Variants in FGF14 observed in about 807,000 individuals in gnomAD.
FGF14 encodes the protein fibroblast growth factor homologous factor 4.
In FGF14, 5 loss-of-function variants were observed where a neutral mutation model predicts 25.5. The observed-to-expected ratio is 0.20, with a 90% CI of 0.10 to 0.41. The LOEUF (loss-of-function observed/expected upper bound fraction) is 0.41, where lower values mean the gene tolerates loss of function less well. FGF14 is among the 10% of genes least tolerant of loss of function. FGF14 has a pLI of 1.00. For synonymous variants in FGF14, 138 were observed against 118.3 expected (o/e 1.17, Z -1.08); for missense variants, 222 against 320.1 (o/e 0.69, Z 2.34).
At chr13:102,145,290 G>A (rs2046809637) in intron 1 of FGF14, among the ~76,000 whole-genome samples, 1 of 152,098 alleles carries the variant, frequency 6.6e-6, no homozygotes, top group Admixed American at 6.6e-5. Flanking sequence ...TCTAGCCAAT[G>A]AACTATATAA....
chr13:101,780,910 A>C (rs1316426409), intron 3 of FGF14, among the ~76,000 whole-genome samples: 1 of 152,128 alleles, frequency 6.6e-6, no homozygotes, highest in Non-Finnish European at 1.5e-5. Flanking sequence ...TAAGAGCTCC[A>C]GTGTCTTCCC....
chr13:102,148,260 A>C (rs1006244341), intron 1 of FGF14, among the ~76,000 whole-genome samples: 2 of 152,212 alleles, frequency 1.3e-5, no homozygotes, highest in Admixed American at 6.5e-5. Context: ...CTGATTGAGC[A>C]CTCAGAATTA....
chr13:101,986,777 T>C (rs1432378900), intron 1 of FGF14, among the ~76,000 whole-genome samples: 1 of 152,126 alleles, frequency 6.6e-6, no homozygotes, highest in Non-Finnish European at 1.5e-5. Context: ...AACTGAACTC[T>C]TGATATCCCC....
intron 1 of FGF14, among the ~76,000 whole-genome samples, chr13:102,391,733 A>G (rs1251887755): frequency 6.6e-6 from 1 of 152,222 alleles, no homozygotes; most frequent in African/African-American, 2.4e-5. Flanking sequence ...AGGAGGAAAG[A>G]GCATATTGTG....
chr13:102,299,179 C>A (rs773854772), intron 1 of FGF14, among the ~76,000 whole-genome samples: 5 of 152,094 alleles, frequency 3.3e-5, no homozygotes, highest in Non-Finnish European at 7.4e-5. Context: ...AAGGATACAA[C>A]AAATGAAATT....
chr13:102,259,184 A>T (rs2052594527), intron 1 of FGF14, among the ~76,000 whole-genome samples: 1 of 152,090 alleles, frequency 6.6e-6, no homozygotes, highest in Non-Finnish European at 1.5e-5. Context: ...ACAAAGCATG[A>T]CATGCTAGGC....
intron 1 of FGF14, among the ~76,000 whole-genome samples, chr13:102,176,896 G>A (rs1177916442): frequency 6.6e-6 from 1 of 151,956 alleles, no homozygotes; most frequent in African/African-American, 2.4e-5. Flanking sequence ...TAATCAAGTT[G>A]TTTAAAAAAT....
Position 102,350,198 on chromosome 13 carries a change from G to A in FGF14, c.208+51273C>T, listed in dbSNP as rs183472254. ...ATCTGAGCAACATAGTAAGACCTCC[G>A]TCTCTACAAAAAAATTAAAAAATTA... On this transcript the variant is annotated intron_variant, in intron 1 of 4. Transcript: ENST00000376131. 2.3e-4 allele frequency among the ~76,000 whole-genome samples: 35 copies of A among 152,026 alleles called. No individual in the cohort carries two copies. In the East Asian group the frequency reaches 4.6e-3, roughly 20 times the overall value.
rs1566339893 is a variant in FGF14 at position 101,865,195 on chromosome 13, T to G, written c.408+3530A>C. On this transcript the variant is annotated intron_variant, in intron 3 of 4. Transcript: ENST00000376143. ...TTTCCTTTCATTACCAGTTTTTCCT[T>G]ATTGTTTACAATTTACATTCCAAAC... is the stretch of plus-strand genomic sequence containing the variant. Among the ~76,000 whole-genome samples, 5 of 152,186 alleles carry G rather than the reference T, an allele frequency of 3.3e-5. No homozygotes were observed. The South Asian group carries it at 8.3e-4, about 25-fold the overall frequency.
At chr13:102,359,509 T>G (rs1288089167) in intron 1 of FGF14, among the ~76,000 whole-genome samples, 1 of 152,184 alleles carries the variant, frequency 6.6e-6, no homozygotes, top group Non-Finnish European at 1.5e-5. Context: ...TAGTTTTCAC[T>G]TTTGCATTTC....
chr13:101,720,556 GTGTGTGTGTATA>G lies in FGF14; in HGVS notation c.*2263_*2274del. The G allele has an allele frequency of 6.6e-6, 1 of 150,686 alleles. No homozygotes were observed. Among genetic ancestry groups the G allele is most frequent in the Non-Finnish European group, 1.5e-5 (1 of 67,948 alleles). The allele number at this position is 150,686 out of a possible 1,614,324, so 9.3% of individuals were successfully genotyped here. A position where few individuals can be genotyped will look rare whatever the true frequency, so the allele number is the denominator to read the frequency against. On this transcript the variant is annotated 3_prime_UTR_variant, in exon 5 of 5. Coordinates refer to ENST00000376143, the MANE Select transcript of FGF14 (RefSeq NM_004115.4). Reference sequence around the variant, plus strand: ...TGTGTGTGTGTGTGTGTGTGTGTGTGTGTGTGTGTATATGTGTGTGTTTGTGTGAAGTGAAGT... The same window carrying G: ...TGTGTGTGTGTGTGTGTGTGTGTGTGTGTGTGTGTTTGTGTGAAGTGAAGT...
intron 1 of FGF14, among the ~76,000 whole-genome samples, chr13:102,375,757 G>A (rs1386558939): frequency 2.0e-5 from 3 of 152,064 alleles, no homozygotes; most frequent in African/African-American, 7.2e-5. Flanking sequence ...AGCAATTAAA[G>A]TATCAATAAA....
chr13:101,953,754 C>A (rs1162506369), intron 1 of FGF14, among the ~76,000 whole-genome samples: 49 of 151,666 alleles, frequency 3.2e-4, no homozygotes. Flanking sequence ...ACACGGCTGG[C>A]TAATTTTGTA....
chr13:101,941,235 C>T (rs1343774081), intron 1 of FGF14, among the ~76,000 whole-genome samples: 1 of 152,194 alleles, frequency 6.6e-6, no homozygotes, highest in African/African-American at 2.4e-5. Context: ...CAATCATCAT[C>T]GATATGCACA....
intron 1 of FGF14, among the ~76,000 whole-genome samples, chr13:102,024,339 CATT>C (rs1195245213): frequency 6.6e-6 from 1 of 151,996 alleles, no homozygotes; most frequent in Non-Finnish European, 1.5e-5. Context: ...AGAGGTATCT[CATT>C]GTAGTTCGTA....
intron 1 of FGF14, among the ~76,000 whole-genome samples, chr13:102,247,590 T>C (rs138319993): frequency 4.3e-4 from 66 of 152,098 alleles, no homozygotes; most frequent in African/African-American, 1.6e-3. Flanking sequence ...CAGAAAATAA[T>C]AGATGCTGGC....
chr13:101,893,070 G>C (rs9582536), intron 1 of FGF14, among the ~76,000 whole-genome samples: 215 of 152,250 alleles, frequency 1.4e-3, no homozygotes, highest in African/African-American at 5.0e-3. Flanking sequence ...TGCAGTAGAT[G>C]CCAGATCCTT....
At chr13:102,371,421 C>A (rs150499070) in intron 1 of FGF14, among the ~76,000 whole-genome samples, 1 of 152,166 alleles carries the variant, frequency 6.6e-6, no homozygotes, top group Non-Finnish European at 1.5e-5. Context: ...CCTAAAATAG[C>A]CTTATTCCCT....
chr13:101,994,539 G>T (rs538843732), intron 1 of FGF14, among the ~76,000 whole-genome samples: 1 of 151,832 alleles, frequency 6.6e-6, no homozygotes, highest in East Asian at 1.9e-4. Flanking sequence ...TCAGAGTGCC[G>T]TTGTAAGTTG....
Sources: allele counts gnomAD v4.1 joint callset (sites outside exome capture counted in the v4.1 genomes callset), GRCh38; gene constraint gnomAD v4.1.1; transcripts MANE v1.5; gene names NCBI Gene and HGNC (gene_info 2026-07-23, HGNC 2026-07-21).